The following FOXP2 variants were observed in gnomAD, a reference collection of about 807,000 sequenced individuals.
The protein encoded by FOXP2 is forkhead box protein P2.
A neutral mutation model predicts 115.8 loss-of-function variants in FOXP2; 12 were observed. The ratio of observed to expected loss-of-function variants is 0.10; its 90% CI spans 0.07 to 0.17. The LOEUF is 0.17. FOXP2 is among the 10% of genes least tolerant of loss of function. The pLI is 1.00. For missense variants in FOXP2, 629 were observed against 843.5 expected (o/e 0.75, Z 3.15); for synonymous variants, 328 against 297.7 (o/e 1.10, Z -1.05).
At chr7:114,376,102 A>G (rs569982742) in intron 2 of FOXP2, among the ~76,000 whole-genome samples, 1 of 152,240 alleles carries the variant, frequency 6.6e-6, no homozygotes, top group South Asian at 2.1e-4. Flanking sequence ...AAGATGACTC[A>G]CCATCATGTT....
chr7:114,132,576 TGTGTGTGAGAGAGA>T (rs1257688951), intron 1 of FOXP2, among the ~76,000 whole-genome samples: 13 of 67,204 alleles, frequency 1.9e-4, no homozygotes, highest in South Asian at 6.4e-4. Flanking sequence ...TGTGTGTGTG[TGTGTGTGAGAGAGA>T]GAGAGAGAGA....
intron 3 of FOXP2, among the ~76,000 whole-genome samples, chr7:114,577,466 G>A (rs914524344): frequency 5.9e-5 from 9 of 151,862 alleles, no homozygotes; most frequent in African/African-American, 1.9e-4. Context: ...TAAGTTTTAT[G>A]CAAATAGATT....
chr7:114,600,556 T>C lies in FOXP2; in HGVS notation c.259-27984T>C, dbSNP rs1253211770. On this transcript the variant is annotated intron_variant, in intron 3 of 16. Coordinates refer to ENST00000350908, the MANE Select transcript of FOXP2 (RefSeq NM_014491.4). ...GAGAGCACATTGCTGGATCATATGG[T>C]AAGACTATGTTTAGCTTTGTAAGAA... is the stretch of plus-strand genomic sequence containing the variant. Among the ~76,000 whole-genome samples the C allele has an allele frequency of 5.3e-5, 8 of 152,222 alleles. No homozygotes were observed. The East Asian group carries it at 9.6e-4, about 18-fold the overall frequency.
intron 2 of FOXP2, among the ~76,000 whole-genome samples, chr7:114,492,000 T>G (rs191963433): frequency 1.3e-5 from 2 of 152,304 alleles, no homozygotes; most frequent in Admixed American, 1.3e-4. Flanking sequence ...CAGCTCCTCC[T>G]TATACCTCTG....
chr7:114,689,468 A>T (rs534758644), intron 16 of FOXP2, among the ~76,000 whole-genome samples: 1 of 152,096 alleles, frequency 6.6e-6, no homozygotes, highest in South Asian at 2.1e-4. Flanking sequence ...CTTTACTACC[A>T]CTCCTTGATT....
chr7:114,389,061 G>A (rs1378332578), intron 2 of FOXP2, among the ~76,000 whole-genome samples: 1 of 152,186 alleles, frequency 6.6e-6, no homozygotes, highest in Non-Finnish European at 1.5e-5. Context: ...TAAGCCAAAC[G>A]TATTGTACTC....
intron 2 of FOXP2, among the ~76,000 whole-genome samples, chr7:114,514,104 C>G (rs1464740594): frequency 1.3e-5 from 2 of 151,808 alleles, no homozygotes; most frequent in East Asian, 3.9e-4. Context: ...CACACACACA[C>G]ACACACACAC....
intron 1 of FOXP2, among the ~76,000 whole-genome samples, chr7:114,145,987 CT>C (rs1361608335): frequency 6.6e-6 from 1 of 152,036 alleles, no homozygotes; most frequent in African/African-American, 2.4e-5. Flanking sequence ...TATCTGTATT[CT>C]ATATGTGTTT....
chr7:114,151,067 T>A (rs1023082698), intron 1 of FOXP2, among the ~76,000 whole-genome samples: 5 of 151,702 alleles, frequency 3.3e-5, no homozygotes, highest in African/African-American at 4.8e-5. Context: ...CCGAATACCA[T>A]TTTTTTTCTC....
intron 2 of FOXP2, among the ~76,000 whole-genome samples, chr7:114,298,573 A>T (rs1011369219): frequency 1.3e-5 from 2 of 152,242 alleles, no homozygotes; most frequent in African/African-American, 4.8e-5. Flanking sequence ...AAGGCAATAT[A>T]ATCTTCATTT....
chr7:114,411,451 T>A (rs190909944), upstream of FOXP2, among the ~76,000 whole-genome samples: 109 of 152,240 alleles, frequency 7.2e-4, no homozygotes, highest in Admixed American at 1.7e-3. Context: ...AAGGTAAGCA[T>A]AACGCTCAAA....
chr7:114,115,185 GT>G (rs1248774975), intron 1 of FOXP2, among the ~76,000 whole-genome samples: 1 of 152,078 alleles, frequency 6.6e-6, no homozygotes, highest in Non-Finnish European at 1.5e-5. Context: ...TTTCTGGTAT[GT>G]GGCTTTTGCT....
At chr7:114,418,484 T>C (rs1793453368) in intron 1 of FOXP2, among the ~76,000 whole-genome samples, 1 of 151,950 alleles carries the variant, frequency 6.6e-6, no homozygotes, top group African/African-American at 2.4e-5. Context: ...CTAAAGAAGT[T>C]GTAGTGACTC....
chr7:114,170,844 T>C (rs1793117739), intron 1 of FOXP2, among the ~76,000 whole-genome samples: 1 of 152,260 alleles, frequency 6.6e-6, no homozygotes, highest in African/African-American at 2.4e-5. Context: ...AAACAGCACA[T>C]GCTGATATAG....
At chr7:114,425,260 A>G (rs1793793315) in intron 1 of FOXP2, among the ~76,000 whole-genome samples, 1 of 151,610 alleles carries the variant, frequency 6.6e-6, no homozygotes, top group South Asian at 2.1e-4. Flanking sequence ...AATTAGATTG[A>G]GTGATAAGTT....
intron 3 of FOXP2, among the ~76,000 whole-genome samples, chr7:114,617,798 G>A (rs1359397502): frequency 6.6e-6 from 1 of 152,086 alleles, no homozygotes; most frequent in Non-Finnish European, 1.5e-5. Flanking sequence ...TCTCAAAAAG[G>A]GAAAAGTAAA....
chr7:114,342,094 A>C (rs1478875754), intron 2 of FOXP2, among the ~76,000 whole-genome samples: 1 of 151,446 alleles, frequency 6.6e-6, no homozygotes, highest in Non-Finnish European at 1.5e-5. Flanking sequence ...CTGCTCATTG[A>C]TTCACAAAGT....
intron 2 of FOXP2, among the ~76,000 whole-genome samples, chr7:114,457,157 C>T (rs1795344897): frequency 6.6e-6 from 1 of 152,016 alleles, no homozygotes; most frequent in African/African-American, 2.4e-5. Context: ...ATTGTTGGTG[C>T]TCTTACCACA....
chr7:114,315,610 G>GCACA (rs144465419), intron 2 of FOXP2, among the ~76,000 whole-genome samples: 3,740 of 146,042 alleles, frequency 0.026, 113 homozygotes, highest in African/African-American at 0.079. Flanking sequence ...CACTATACAT[G>GCACA]CACACACACA....
Sources: gnomAD v4.1 joint callset for allele counts (sites outside exome capture counted in the v4.1 genomes callset) on GRCh38, gnomAD v4.1.1 for gene constraint, MANE v1.5 for transcripts, NCBI Gene and HGNC (gene_info 2026-07-23, HGNC 2026-07-21) for gene names.